ZFYVE28: variants seen among roughly 807,000 people sequenced by gnomAD.
ZFYVE28 encodes the protein lateral signaling target protein 2 homolog.
Under a neutral mutation model 82.1 loss-of-function variants are expected in ZFYVE28, and 40 were observed. That is an observed-to-expected ratio of 0.49 (90% CI 0.38 to 0.63). The LOEUF is 0.63. ZFYVE28 is among the 30% of genes least tolerant of loss of function. The pLI, the probability that ZFYVE28 is intolerant of heterozygous loss-of-function variation, is 0.00. For missense variants in ZFYVE28, 1,321 were observed against 1,242.1 expected, an observed-to-expected ratio of 1.06 and a Z score of -0.96; for synonymous variants, 612 against 546.1, an observed-to-expected ratio of 1.12 and a Z score of -1.68.
chr4:2,359,182 C>T (rs894085005), intron 1 of ZFYVE28, among the ~76,000 whole-genome samples: 2 of 151,418 alleles, frequency 1.3e-5, no homozygotes, highest in Admixed American at 6.6e-5. Flanking sequence ...GGGGTTTCAT[C>T]GTGTCAGCCA....
intron 1 of ZFYVE28, among the ~76,000 whole-genome samples, chr4:2,412,284 C>T (rs1732604387): frequency 6.6e-6 from 1 of 152,190 alleles, no homozygotes; most frequent in Non-Finnish European, 1.5e-5. Context: ...GAAACACTGA[C>T]ATGAAACCCT....
chr4:2,335,292 G>A lies in ZFYVE28; in HGVS notation c.701+413C>T, dbSNP rs1721500127. 1.3e-5 allele frequency among the ~76,000 whole-genome samples: 2 copies of A among 152,058 alleles called. No homozygotes were observed. Among genetic ancestry groups the A allele is most frequent in the African/African-American group, 4.8e-5 (2 of 41,406 alleles). ...AACAAGCCAATCACAGCCTCCTGAG[G>A]GACCCGGGGGGCAGCTCGTCCTCTT... On this transcript the variant is annotated intron_variant, in intron 6 of 12. Coordinates refer to ENST00000290974, the MANE Select transcript of ZFYVE28 (RefSeq NM_020972.3). This position sits in a 1 kb window ranked among gnomAD's most constrained non-coding sequence, Gnocchi z 5.8.
intron 6 of ZFYVE28, among the ~76,000 whole-genome samples, chr4:2,327,267 T>TA (rs1340059959): frequency 2.2e-4 from 4 of 17,950 alleles, no homozygotes; most frequent in African/African-American, 7.0e-4. Context: ...TATATATATA[T>TA]ATATATATAT....
chr4:2,403,637 C>T (rs978368537), intron 1 of ZFYVE28, among the ~76,000 whole-genome samples: 1 of 152,132 alleles, frequency 6.6e-6, no homozygotes, highest in Non-Finnish European at 1.5e-5. Context: ...CAGCACTCAC[C>T]GACCCCGCCT....
chr4:2,398,587 C>T (rs1472527769), intron 1 of ZFYVE28, among the ~76,000 whole-genome samples: 1 of 151,978 alleles, frequency 6.6e-6, no homozygotes, highest in Non-Finnish European at 1.5e-5. Context: ...ATCCAGGGCA[C>T]AAGGTGGAGA....
At chr4:2,275,860 G>A (rs1314624587) in intron 8 of ZFYVE28, among the ~76,000 whole-genome samples, 2 of 152,208 alleles carry the variant, frequency 1.3e-5, no homozygotes, top group African/African-American at 4.8e-5. Context: ...GCGGTGCTGG[G>A]GATTCCAGTG....
chr4:2,339,593 C>T lies in ZFYVE28; in HGVS notation c.381G>A (p.Leu127=), dbSNP rs1722428061. Residue 127 remains leucine (L), a synonymous_variant, in exon 4 of 13, where the codon CTG becomes CTA. Transcript: ENST00000290974. The surrounding 1 kb of genome is among the most constrained non-coding windows in gnomAD (Gnocchi z 5.0). The part of the protein sequence containing the change: ...RELESMAMRP[L]AKELTRSLED... Reference sequence around the variant, plus strand: ...CCAGGCTGCGCGTCAGCTCCTTGGCCAGCGGGCGCATGGCCATGCTCTCCA... The same window carrying T: ...CCAGGCTGCGCGTCAGCTCCTTGGCTAGCGGGCGCATGGCCATGCTCTCCA... The T allele has an allele frequency of 3.1e-6, 5 of 1,611,972 alleles. No individual in the cohort carries two copies. Among genetic ancestry groups the T allele is most frequent in the Non-Finnish European group, 4.2e-6 (5 of 1,179,374 alleles).
In ZFYVE28 at chr4:2,291,619, A is replaced by C. The variant is rs139110863; in HGVS notation, c.2051+12670T>G. 3.2e-3 allele frequency among the ~76,000 whole-genome samples: 486 copies of C among 152,274 alleles called. 2 individuals carry two copies. Among genetic ancestry groups the C allele is most frequent in the Non-Finnish European group, 5.9e-3 (403 of 68,002 alleles). ...CTCACTGAGACCTGTCCTGAGGGAC[A>C]GGGCTGGGGGTCCTGGGGTCAGGAG... On this transcript the variant is annotated intron_variant, in intron 8 of 12. Coordinates refer to ENST00000290974, the MANE Select transcript of ZFYVE28 (RefSeq NM_020972.3).
rs534740094 is a variant in ZFYVE28, at chr4:2,369,679, G to A, written c.40-15606C>T. Among the ~76,000 whole-genome samples, 262 of 151,948 alleles carry A rather than the reference G, an allele frequency of 1.7e-3. 1 individual carries two copies. The highest frequency in any genetic ancestry group is 6.0e-3 in the African/African-American group (250 of 41,414). ...GCCATGTGAAGATGGGGCGGAGATC[G>A]GTGTGACGGGCCTGTAAGAAACCCC... On this transcript the variant is annotated intron_variant, in intron 1 of 12. Transcript: ENST00000290974.
At chr4:2,367,578 A>T (rs889005023) in intron 1 of ZFYVE28, among the ~76,000 whole-genome samples, 1 of 152,270 alleles carries the variant, frequency 6.6e-6, no homozygotes, top group African/African-American at 2.4e-5. Context: ...CTAAGAGCTC[A>T]CAAGAACTGG....
Position 2,297,131 on chromosome 4 carries a change from G to A in ZFYVE28, c.2051+7158C>T, listed in dbSNP as rs185843588. 3.9e-3 allele frequency among the ~76,000 whole-genome samples: 593 copies of A among 152,380 alleles called. 2 individuals carry two copies. Among genetic ancestry groups the A allele is most frequent in the South Asian group, 0.012 (59 of 4,832 alleles). On this transcript the variant is annotated intron_variant, in intron 8 of 12. Transcript: ENST00000290974. ...ATCAGAAGTGCCAGCCCAGCAGCAG[G>A]TGACTCCCCACGCAGCGGCGCCTTC...
chr4:2,376,778 T>C (rs1728189007), intron 1 of ZFYVE28, among the ~76,000 whole-genome samples: 1 of 152,030 alleles, frequency 6.6e-6, no homozygotes, highest in Non-Finnish European at 1.5e-5. Context: ...CCAAACCATA[T>C]CACTGGGTAT....
Position 2,273,359 on chromosome 4 carries a change from G to A in ZFYVE28, c.2207-70C>T, listed in dbSNP as rs1022325438. ...AAGGAACTGCGGAGGTCGGTGCTGC[G>A]GGCTGGGCAGACCCAGCCAGAGCTC... On this transcript the variant is annotated intron_variant, in intron 9 of 12. Coordinates refer to ENST00000290974, the MANE Select transcript of ZFYVE28 (RefSeq NM_020972.3). 3.7e-5 allele frequency: 52 copies of A among 1,401,450 alleles called. No individual in the cohort carries two copies. The East Asian group carries it at 1.0e-3, about 27-fold the overall frequency. The allele number at this position is 1,401,450 out of a possible 1,614,324, so 86.8% of individuals were successfully genotyped here.
intron 2 of ZFYVE28, chr4:2,343,289 A>G (rs1315592596): frequency 1.3e-5 from 2 of 152,182 alleles, no homozygotes; most frequent in Non-Finnish European, 2.9e-5. Flanking sequence ...CAGAAAGAGC[A>G]CACTAATTGA....
In ZFYVE28 at chr4:2,409,160, ACC is replaced by A. The variant is rs915236766; in HGVS notation, c.39+9123_39+9124del. On this transcript the variant is annotated intron_variant, in intron 1 of 12. Transcript: ENST00000290974. The surrounding 1 kb of genome is among the most constrained non-coding windows in gnomAD (Gnocchi z 4.4). Reference sequence around the variant, plus strand: ...ACACTGTCCAAACCCCTACTTCTGCACCCCCATCTCCACCCTCCACCTCGCAG... The same window carrying A: ...ACACTGTCCAAACCCCTACTTCTGCACCCATCTCCACCCTCCACCTCGCAG... 7.4e-6 allele frequency among the ~76,000 whole-genome samples: 1 copy of A among 134,898 alleles called. No homozygotes were observed. The highest frequency in any genetic ancestry group is 1.6e-5 in the Non-Finnish European group (1 of 63,502). The allele number at this position is 134,898 out of a possible 152,430, so 88.5% of individuals were successfully genotyped here. A position where few individuals can be genotyped will look rare whatever the true frequency, so the allele number is the denominator to read the frequency against.
intron 7 of ZFYVE28, among the ~76,000 whole-genome samples, chr4:2,309,946 A>G (rs1444806090): frequency 6.6e-6 from 1 of 152,180 alleles, no homozygotes; most frequent in Non-Finnish European, 1.5e-5. Context: ...TTTCAAAATT[A>G]TATGATTTTT....
chr4:2,381,218 C>A (rs1262068451), intron 1 of ZFYVE28, among the ~76,000 whole-genome samples: 1 of 152,128 alleles, frequency 6.6e-6, no homozygotes, highest in Non-Finnish European at 1.5e-5. Context: ...AAGAGACTGG[C>A]AGCATTTTGC....
intron 1 of ZFYVE28, among the ~76,000 whole-genome samples, chr4:2,355,199 AATATATATATAT>A (rs71167785): frequency 1.2e-4 from 6 of 48,946 alleles, no homozygotes; most frequent in Non-Finnish European, 2.3e-4. Flanking sequence ...AGTCCTTGAA[AATATATATATAT>A]ATATATATAT....
intron 1 of ZFYVE28, among the ~76,000 whole-genome samples, chr4:2,365,352 A>C (rs1726757588): frequency 6.7e-6 from 1 of 149,274 alleles, no homozygotes; most frequent in African/African-American, 2.4e-5. Flanking sequence ...CCGCACGTGC[A>C]CTCACAAAGG....
Sources: gnomAD v4.1 joint callset for allele counts (sites outside exome capture counted in the v4.1 genomes callset) on GRCh38, gnomAD v4.1.1 for gene constraint, Gnocchi (gnomAD v3.1) non-coding constraint, MANE v1.5 for transcripts, NCBI Gene and HGNC (gene_info 2026-07-23, HGNC 2026-07-21) for gene names.